The following CAMK4 variants were observed in gnomAD, a reference collection of about 807,000 sequenced individuals.
CAMK4 encodes calcium/calmodulin dependent protein kinase IV.
In CAMK4, 22 loss-of-function variants were observed where a neutral mutation model predicts 44.9. The ratio of observed to expected loss-of-function variants is 0.49; its 90% CI spans 0.35 to 0.70. The LOEUF (loss-of-function observed/expected upper bound fraction) is 0.70. Ranked by LOEUF, CAMK4 falls within the 30% of genes least tolerant of loss-of-function variation. The pLI is 0.01. For synonymous variants in CAMK4, 218 were observed against 215.4 expected (o/e 1.01, Z -0.11); for missense variants, 498 against 586.8 (o/e 0.85, Z 1.56).
chr5:111,274,376 G>A (rs1358253844), intron 1 of CAMK4, among the ~76,000 whole-genome samples: 3 of 151,862 alleles, frequency 2.0e-5, no homozygotes, highest in African/African-American at 4.8e-5. Flanking sequence ...GTTTATTTTC[G>A]GAATTTGTTT....
intron 2 of CAMK4, among the ~76,000 whole-genome samples, chr5:111,361,458 T>A (rs981593896): frequency 2.0e-5 from 3 of 152,058 alleles, no homozygotes; most frequent in African/African-American, 7.2e-5. Flanking sequence ...ATTATTTTCA[T>A]GGCTTCTTGA....
In CAMK4 at chr5:111,364,167, G is replaced by A. The variant is rs902903268; in HGVS notation, c.241-10683G>A. On this transcript the variant is annotated intron_variant, in intron 2 of 10. Transcript: ENST00000282356. Reference sequence around the variant, plus strand: ...ATATGCTTTGGAAGTGGGAGGGGATGGTAAGGGACTGAGAGACCTTTTTAA... The same window carrying A: ...ATATGCTTTGGAAGTGGGAGGGGATAGTAAGGGACTGAGAGACCTTTTTAA... Among the ~76,000 whole-genome samples, 5 of 148,574 alleles carry A rather than the reference G, an allele frequency of 3.4e-5. No individual in the cohort carries two copies. In the Admixed American group the frequency reaches 3.4e-4, roughly 10 times the overall value.
At chr5:111,437,987 C>T (rs1383399511) in intron 5 of CAMK4, among the ~76,000 whole-genome samples, 6 of 152,152 alleles carry the variant, frequency 3.9e-5, no homozygotes, top group Non-Finnish European at 7.3e-5. Context: ...TATGGCCATC[C>T]AGCTGGAGTA....
chr5:111,271,752 G>T (rs961842183), intron 1 of CAMK4, among the ~76,000 whole-genome samples: 4 of 152,066 alleles, frequency 2.6e-5, no homozygotes, highest in Non-Finnish European at 4.4e-5. Flanking sequence ...TCTTTGCTTG[G>T]TTTTTTACCT....
chr5:111,250,881 C>T (rs1174571013), intron 1 of CAMK4, among the ~76,000 whole-genome samples: 1 of 152,126 alleles, frequency 6.6e-6, no homozygotes, highest in African/African-American at 2.4e-5. Context: ...GGCCTCAAGC[C>T]ACCCTCTTAT....
At chr5:111,438,526 CGTAA>C (rs1013279461) in intron 5 of CAMK4, among the ~76,000 whole-genome samples, 7 of 151,882 alleles carry the variant, frequency 4.6e-5, no homozygotes, top group African/African-American at 1.7e-4. Context: ...CCAAGTAATC[CGTAA>C]GTGTTATAGT....
At chr5:111,382,552 T>C (rs1204952623) in intron 4 of CAMK4, among the ~76,000 whole-genome samples, 1 of 152,184 alleles carries the variant, frequency 6.6e-6, no homozygotes, top group Non-Finnish European at 1.5e-5. Flanking sequence ...AGGAACATTT[T>C]TGAGATCCTA....
intron 7 of CAMK4, among the ~76,000 whole-genome samples, chr5:111,465,855 C>T (rs1005622646): frequency 1.2e-4 from 18 of 152,246 alleles, no homozygotes; most frequent in African/African-American, 3.9e-4. Flanking sequence ...TTCTATGAAG[C>T]CAGTATCACC....
At chr5:111,296,139 C>T (rs1311365190) in intron 1 of CAMK4, among the ~76,000 whole-genome samples, 2 of 152,180 alleles carry the variant, frequency 1.3e-5, no homozygotes, top group Non-Finnish European at 2.9e-5. Context: ...ATCACCCTCT[C>T]AGTATCCCAC....
chr5:111,228,839 A>G (rs1451375210), intron 1 of CAMK4, among the ~76,000 whole-genome samples: 2 of 152,170 alleles, frequency 1.3e-5, no homozygotes, highest in Non-Finnish European at 2.9e-5. Flanking sequence ...CTGTAGAGAA[A>G]AAGGCTCCTA....
intron 1 of CAMK4, among the ~76,000 whole-genome samples, chr5:111,262,267 T>A (rs1231249680): frequency 6.6e-6 from 1 of 152,024 alleles, no homozygotes; most frequent in Non-Finnish European, 1.5e-5. Flanking sequence ...GGGAGGAGTT[T>A]CTAAGCACTG....
rs776661401 is a variant in CAMK4 at position 111,290,430 on chromosome 5, G to A, written c.162-53594G>A. 3.3e-5 allele frequency among the ~76,000 whole-genome samples: 5 copies of A among 152,176 alleles called. No homozygotes were observed. Among genetic ancestry groups the A allele is most frequent in the Non-Finnish European group, 7.3e-5 (5 of 68,032 alleles). ...TAGGGAATTAAATTCCAGGCAGTAG[G>A]AGTGAGCAATAAGAGAAATGAACCA... On this transcript the variant is annotated intron_variant, in intron 1 of 10. Coordinates refer to ENST00000282356, the MANE Select transcript of CAMK4 (RefSeq NM_001744.6). The surrounding 1 kb of genome is among the most constrained non-coding windows in gnomAD (Gnocchi z 4.5).
At chr5:111,404,304 G>A (rs1357136246) in intron 5 of CAMK4, among the ~76,000 whole-genome samples, 2 of 152,180 alleles carry the variant, frequency 1.3e-5, no homozygotes, top group African/African-American at 4.8e-5. Context: ...TGGGACACAA[G>A]GACACTCAAG....
intron 5 of CAMK4, among the ~76,000 whole-genome samples, chr5:111,400,480 T>C (rs1752182736): frequency 6.6e-6 from 1 of 152,186 alleles, no homozygotes. Flanking sequence ...GCAGAAAACT[T>C]AAAGATTGAA....
chr5:111,241,470 T>G (rs1051591813), intron 1 of CAMK4, among the ~76,000 whole-genome samples: 4 of 152,118 alleles, frequency 2.6e-5, no homozygotes, highest in African/African-American at 9.7e-5. Context: ...ATGTGACATC[T>G]CTATGGATGT....
intron 5 of CAMK4, among the ~76,000 whole-genome samples, chr5:111,412,182 C>T (rs1218323349): frequency 6.6e-6 from 1 of 151,836 alleles, no homozygotes; most frequent in African/African-American, 2.4e-5. Context: ...TACAAAAATG[C>T]AGGAAGAAAA....
chr5:111,241,125 CTTTT>C (rs34428589), intron 1 of CAMK4, among the ~76,000 whole-genome samples: 1 of 142,778 alleles, frequency 7.0e-6, no homozygotes. Context: ...ATAATTATGA[CTTTT>C]TTTTTTTTTT....
chr5:111,283,706 C>A (rs1751116743), intron 1 of CAMK4, among the ~76,000 whole-genome samples: 1 of 151,996 alleles, frequency 6.6e-6, no homozygotes, highest in East Asian at 1.9e-4. Context: ...CAACAATAAC[C>A]TTTTTTTTCA....
At chr5:111,354,987 A>G (rs1750274424) in intron 2 of CAMK4, among the ~76,000 whole-genome samples, 1 of 152,120 alleles carries the variant, frequency 6.6e-6, no homozygotes, top group African/African-American at 2.4e-5. Context: ...TTCAATCTGG[A>G]TGAAAGATAT....
Sources: allele counts gnomAD v4.1 joint callset (sites outside exome capture counted in the v4.1 genomes callset), GRCh38; gene constraint gnomAD v4.1.1; non-coding constraint Gnocchi (gnomAD v3.1); transcripts MANE v1.5; gene names NCBI Gene and HGNC (gene_info 2026-07-23, HGNC 2026-07-21).